Variants in ACBD6 observed in about 807,000 individuals in gnomAD.
The protein encoded by ACBD6 is acyl-CoA-binding domain-containing protein 6.
Under a neutral mutation model 37.2 loss-of-function variants are expected in ACBD6, and 28 were observed. The ratio of observed to expected loss-of-function variants is 0.75; its 90% CI spans 0.56 to 1.03. ACBD6 has a LOEUF of 1.03. ACBD6 is among the 50% of genes least tolerant of loss of function. The pLI, the probability that ACBD6 is intolerant of heterozygous loss-of-function variation, is 0.00. For synonymous variants in ACBD6, 113 were observed against 126.8 expected, an observed-to-expected ratio of 0.89 and a Z score of 0.73; for missense variants, 340 against 337.4, an observed-to-expected ratio of 1.01 and a Z score of -0.06.
At chr1:180,359,136 C>T (rs1017671585) in intron 6 of ACBD6, among the ~76,000 whole-genome samples, 3 of 152,184 alleles carry the variant, frequency 2.0e-5, no homozygotes, top group African/African-American at 7.2e-5. Context: ...ATTTAACCCA[C>T]GGCAATTTCA....
At chr1:180,409,305 TA>T (rs1422654910) in intron 5 of ACBD6, among the ~76,000 whole-genome samples, 3 of 152,250 alleles carry the variant, frequency 2.0e-5, no homozygotes, top group East Asian at 3.9e-4. Flanking sequence ...AGCACAAAGA[TA>T]AAAAACTACA....
rs897130747 is a variant in ACBD6 at position 180,426,702 on chromosome 1, G to A, written c.467+3478C>T. On this transcript the variant is annotated intron_variant, in intron 4 of 7. Transcript: ENST00000367595. ...CTCCTCTGTAGGGACTCCCTCTGCC[G>A]AATAACAATACTATTTATAAAAGCT... Among the ~76,000 whole-genome samples the A allele has an allele frequency of 7.9e-5, 12 of 152,228 alleles. No homozygotes were observed. In the East Asian group the frequency reaches 1.7e-3, roughly 22 times the overall value.
At position 180,343,907 on chromosome 1, in the gene ACBD6, G is replaced by A. The variant is rs993005061; in HGVS notation, c.664-29185C>T. Among the ~76,000 whole-genome samples, 85 of 152,082 alleles carry A rather than the reference G, an allele frequency of 5.6e-4. 1 individual carries two copies. The highest frequency in any genetic ancestry group is 2.0e-3 in the African/African-American group (85 of 41,470). ...GACAGAAAGACACCCTATCTCAAAAGAAAATAAACTACTTGCAAGAAAAGT... is the reference window on the plus strand; with the variant it reads ...GACAGAAAGACACCCTATCTCAAAAAAAAATAAACTACTTGCAAGAAAAGT... On this transcript the variant is annotated intron_variant, in intron 6 of 7. Transcript: ENST00000367595.
chr1:180,482,919 T>G (rs1364830890), intron 3 of ACBD6, among the ~76,000 whole-genome samples: 1 of 152,172 alleles, frequency 6.6e-6, no homozygotes, highest in Non-Finnish European at 1.5e-5. Flanking sequence ...TCTTCCACAC[T>G]GTTTGAATTT....
intron 5 of ACBD6, among the ~76,000 whole-genome samples, chr1:180,407,341 T>A (rs144459422): frequency 6.6e-6 from 1 of 152,344 alleles, no homozygotes; most frequent in East Asian, 1.9e-4. Flanking sequence ...CTGGAAGATC[T>A]GGAAAGCAGC....
exon 10 of ACBD6, chr1:180,275,230 T>A (rs926853696): frequency 6.6e-6 from 1 of 152,218 alleles, no homozygotes; most frequent in Non-Finnish European, 1.5e-5. Context: ...AAGTGTCCCA[T>A]CTATATCATT....
chr1:180,271,577 C>CG, exon 14 of ACBD6: 2 of 1,610,460 alleles, frequency 1.2e-6, no homozygotes, highest in South Asian at 2.2e-5. Flanking sequence ...ATCCCAGGCC[C>CG]GGGACAGGGG....
intron 3 of ACBD6, among the ~76,000 whole-genome samples, chr1:180,458,193 CA>C (rs1649995628): frequency 1.3e-5 from 2 of 152,124 alleles, no homozygotes; most frequent in Admixed American, 1.3e-4. Context: ...CATGATTCAG[CA>C]ACTGGAATGT....
At chr1:180,289,460 A>G (rs1046641110) in intron 7 of ACBD6, among the ~76,000 whole-genome samples, 2 of 152,226 alleles carry the variant, frequency 1.3e-5, no homozygotes, top group African/African-American at 2.4e-5. Flanking sequence ...AAGCACTGAT[A>G]AGGACTGGAG....
At chr1:180,379,237 T>C (rs1010683331) in intron 6 of ACBD6, among the ~76,000 whole-genome samples, 2 of 152,160 alleles carry the variant, frequency 1.3e-5, no homozygotes, top group African/African-American at 2.4e-5. Flanking sequence ...ACCATAGATA[T>C]ATCTGTAGGA....
At chr1:180,443,912 C>A (rs756366945) in intron 3 of ACBD6, among the ~76,000 whole-genome samples, 1 of 151,830 alleles carries the variant, frequency 6.6e-6, no homozygotes, top group Admixed American at 6.6e-5. Context: ...TGTGAGCCAT[C>A]GTGCCCGGCC....
At chr1:180,379,357 T>C (rs1653558089) in intron 6 of ACBD6, among the ~76,000 whole-genome samples, 2 of 152,074 alleles carry the variant, frequency 1.3e-5, no homozygotes, top group Admixed American at 1.3e-4. Context: ...CAAAGGAATA[T>C]GATACTTCCA....
chr1:180,484,950 G>A (rs1346417662), intron 3 of ACBD6, among the ~76,000 whole-genome samples: 1 of 151,616 alleles, frequency 6.6e-6, no homozygotes, highest in African/African-American at 2.4e-5. Flanking sequence ...TGTAATCCCA[G>A]CTACCAGCTA....
chr1:180,398,499 T>C (rs1654347362), intron 5 of ACBD6, among the ~76,000 whole-genome samples: 1 of 152,212 alleles, frequency 6.6e-6, no homozygotes, highest in Admixed American at 6.5e-5. Context: ...AAAACACTAG[T>C]ACAATCTATC....
intron 3 of ACBD6, among the ~76,000 whole-genome samples, chr1:180,483,036 C>G (rs1315006074): frequency 6.6e-6 from 1 of 152,174 alleles, no homozygotes; most frequent in Non-Finnish European, 1.5e-5. Context: ...TTTCGCTTCT[C>G]AGAGTAAAAG....
intron 7 of ACBD6, among the ~76,000 whole-genome samples, chr1:180,312,189 C>T (rs1650620377): frequency 6.6e-6 from 1 of 152,124 alleles, no homozygotes; most frequent in Admixed American, 6.5e-5. Context: ...TTTATGAAAT[C>T]GAGTCTTCCT....
intron 3 of ACBD6, among the ~76,000 whole-genome samples, chr1:180,448,711 T>C (rs1272600558): frequency 1.3e-5 from 2 of 152,230 alleles, no homozygotes; most frequent in Non-Finnish European, 2.9e-5. Flanking sequence ...TAGCTTTACC[T>C]GTTGGCTATT....
At chr1:180,317,748 A>G (rs1650871416) in intron 6 of ACBD6, among the ~76,000 whole-genome samples, 1 of 152,150 alleles carries the variant, frequency 6.6e-6, no homozygotes. Context: ...TCCCTAGACA[A>G]GTGTGATCTT....
chr1:180,450,570 AAC>A (rs1649664050), intron 3 of ACBD6, among the ~76,000 whole-genome samples: 1 of 152,190 alleles, frequency 6.6e-6, no homozygotes, highest in Admixed American at 6.5e-5. Context: ...CATCCTGGCT[AAC>A]ACAGTGAAAC....
Sources: gnomAD v4.1 joint callset for allele counts (sites outside exome capture counted in the v4.1 genomes callset) on GRCh38, gnomAD v4.1.1 for gene constraint, MANE v1.5 for transcripts, NCBI Gene and HGNC (gene_info 2026-07-23, HGNC 2026-07-21) for gene names.